PRKCE: variants seen among roughly 807,000 people sequenced by gnomAD.
The protein encoded by PRKCE is protein kinase C epsilon.
A neutral mutation model predicts 85.4 loss-of-function variants in PRKCE; 16 were observed. That is an observed-to-expected ratio of 0.19 (90% CI 0.13 to 0.28). The LOEUF (loss-of-function observed/expected upper bound fraction) is 0.28, where lower values mean the gene tolerates loss of function less well. Ranked by LOEUF, PRKCE falls within the 10% of genes least tolerant of loss-of-function variation. The probability of loss-of-function intolerance (pLI) is 1.00; values close to 1 mark genes in which losing one functional copy is unlikely to be tolerated. For synonymous variants in PRKCE, 388 were observed against 371.5 expected, an observed-to-expected ratio of 1.04 and a Z score of -0.51; for missense variants, 573 against 975.2, an observed-to-expected ratio of 0.59 and a Z score of 5.49.
intron 1 of PRKCE, among the ~76,000 whole-genome samples, chr2:45,683,770 G>C (rs1572933073): frequency 6.6e-6 from 1 of 152,330 alleles, no homozygotes; most frequent in East Asian, 1.9e-4. Context: ...AGGCAGTCTT[G>C]TGTGCTCCGT....
chr2:46,139,562 G>C lies in PRKCE; in HGVS notation c.1593-5531G>C, dbSNP rs977120311. Among the ~76,000 whole-genome samples the C allele has an allele frequency of 4.6e-5, 7 of 152,052 alleles. No individual in the cohort carries two copies. The highest frequency in any genetic ancestry group is 4.6e-4 in the Admixed American group (7 of 15,268). On this transcript the variant is annotated intron_variant, in intron 11 of 14. Transcript: ENST00000306156. This position sits in a 1 kb window ranked among gnomAD's most constrained non-coding sequence, Gnocchi z 5.2. ...AAGTTATCTGAAGGCTGATGGTCCA[G>C]TTACCATTCCTAGGACTTAGTCCTT...
Position 45,966,909 on chromosome 2 carries a change from G to T in PRKCE, c.413-9520G>T, listed in dbSNP as rs566508741. Among the ~76,000 whole-genome samples, 8 of 152,228 alleles carry T rather than the reference G, an allele frequency of 5.3e-5. No individual in the cohort carries two copies. In the South Asian group the frequency reaches 8.3e-4, roughly 16 times the overall value. On this transcript the variant is annotated intron_variant, in intron 2 of 14. Transcript: ENST00000306156. The stretch of plus-strand genomic sequence containing the variant: ...CGCTCTTCCTCAGTGAGGCATTGTT[G>T]GCTCCAGGGAGATAGAGAGATGCAG...
Position 46,185,038 on chromosome 2 carries a change from C to A in PRKCE, c.*157C>A. On this transcript the variant is annotated 3_prime_UTR_variant, in exon 15 of 15. Coordinates refer to ENST00000306156, the MANE Select transcript of PRKCE (RefSeq NM_005400.3). The surrounding 1 kb of genome is among the most constrained non-coding windows in gnomAD (Gnocchi z 4.7). ...TATTGCATTCCCTTGCCCCAGGCCA[C>A]CTCCTCCCCCTCCCACCTGGTGACC... The A allele has an allele frequency of 1.0e-6, 1 of 966,142 alleles. No homozygotes were observed. The highest frequency in any genetic ancestry group is 1.5e-6 in the Non-Finnish European group (1 of 666,188). The allele number at this position is 966,142 out of a possible 1,614,324, so 59.8% of individuals were successfully genotyped here. A position where few individuals can be genotyped will look rare whatever the true frequency, so the allele number is the denominator to read the frequency against.
chr2:46,109,942 CATTA>C (rs1302606841), intron 11 of PRKCE, among the ~76,000 whole-genome samples: 1 of 152,084 alleles, frequency 6.6e-6, no homozygotes, highest in Non-Finnish European at 1.5e-5. Context: ...GCTTCATCTG[CATTA>C]ATTGATATGA....
At chr2:45,738,935 T>G (rs954379058) in intron 1 of PRKCE, among the ~76,000 whole-genome samples, 2 of 152,252 alleles carry the variant, frequency 1.3e-5, no homozygotes, top group African/African-American at 4.8e-5. Context: ...TGCATTATTT[T>G]TATTAAGCAA....
intron 2 of PRKCE, among the ~76,000 whole-genome samples, chr2:45,965,048 A>C (rs1701641642): frequency 6.6e-6 from 1 of 152,216 alleles, no homozygotes; most frequent in Non-Finnish European, 1.5e-5. Context: ...TGATTAGATT[A>C]CATGCAGAAT....
intron 1 of PRKCE, among the ~76,000 whole-genome samples, chr2:45,769,562 A>T (rs568309179): frequency 6.6e-6 from 1 of 152,162 alleles, no homozygotes; most frequent in Non-Finnish European, 1.5e-5. Flanking sequence ...ACCATTTTTC[A>T]TCCAGAGACT....
At chr2:46,127,222 C>A (rs1425675588) in intron 11 of PRKCE, among the ~76,000 whole-genome samples, 1 of 152,178 alleles carries the variant, frequency 6.6e-6, no homozygotes, top group East Asian at 1.9e-4. Flanking sequence ...TTGATATTTT[C>A]TTCACGTCAC....
At chr2:45,753,591 T>C (rs1376725755) in intron 1 of PRKCE, among the ~76,000 whole-genome samples, 3 of 152,086 alleles carry the variant, frequency 2.0e-5, no homozygotes, top group Non-Finnish European at 2.9e-5. Context: ...GTTGTTTGAG[T>C]TGTTGGTTTG....
At chr2:45,684,144 T>C (rs992243759) in intron 1 of PRKCE, among the ~76,000 whole-genome samples, 5 of 152,192 alleles carry the variant, frequency 3.3e-5, no homozygotes, top group African/African-American at 9.7e-5. Flanking sequence ...AGAGAGGTGA[T>C]GGTGTCTCTC....
intron 10 of PRKCE, among the ~76,000 whole-genome samples, chr2:46,017,391 T>A (rs973460985): frequency 6.6e-6 from 1 of 152,238 alleles, no homozygotes; most frequent in Non-Finnish European, 1.5e-5. Flanking sequence ...CATAATTTCC[T>A]TCCTTTTAAA....
intron 11 of PRKCE, among the ~76,000 whole-genome samples, chr2:46,094,083 G>C (rs114778855): frequency 0.01 from 1,596 of 152,232 alleles, 32 homozygotes; most frequent in African/African-American, 0.036. Flanking sequence ...TTAGGTATAA[G>C]CAGTATTCTA....
chr2:45,724,018 C>T (rs73926037), intron 1 of PRKCE, among the ~76,000 whole-genome samples: 29 of 152,362 alleles, frequency 1.9e-4, no homozygotes, highest in African/African-American at 7.0e-4. Flanking sequence ...AGAACCTCCA[C>T]TTTTCACTTC....
chr2:46,026,031 G>A (rs1472948451), intron 10 of PRKCE, among the ~76,000 whole-genome samples: 11 of 152,186 alleles, frequency 7.2e-5, no homozygotes, highest in Admixed American at 2.6e-4. Flanking sequence ...CAATAGATAT[G>A]ATTCTTGTGC....
At chr2:45,852,671 C>T (rs1692370461) in intron 2 of PRKCE, among the ~76,000 whole-genome samples, 1 of 152,106 alleles carries the variant, frequency 6.6e-6, no homozygotes, top group Non-Finnish European at 1.5e-5. Context: ...TGAGTCAAAA[C>T]CAAGAGAGGT....
intron 2 of PRKCE, among the ~76,000 whole-genome samples, chr2:45,868,186 C>G (rs1693762852): frequency 6.7e-6 from 1 of 148,904 alleles, no homozygotes; most frequent in African/African-American, 2.5e-5. Flanking sequence ...AACACCCATG[C>G]CTGGTCTGGT....
In PRKCE at chr2:45,958,816, ATTTTTTTTTTTTTTTTT is replaced by A. The variant is rs569651784; in HGVS notation, c.413-17590_413-17574del. 4.6e-3 allele frequency among the ~76,000 whole-genome samples: 83 copies of A among 18,140 alleles called. 2 individuals are homozygous for A. Among genetic ancestry groups the A allele is most frequent in the Middle Eastern group, 0.083 (1 of 12 alleles). The allele number at this position is 18,140 out of a possible 152,430, so 11.9% of individuals were successfully genotyped here. A position where few individuals can be genotyped will look rare whatever the true frequency, so the allele number is the denominator to read the frequency against. On this transcript the variant is annotated intron_variant, in intron 2 of 14. Coordinates refer to ENST00000306156, the MANE Select transcript of PRKCE (RefSeq NM_005400.3). The stretch of plus-strand genomic sequence containing the variant: ...CATATATATATATATATATATATAT[ATTTTTTTTTTTTTTTTT>A]TTTTTTTTTTTTTTTTTTTTTTAAT...
At chr2:45,698,789 G>T (rs1390435049) in intron 1 of PRKCE, among the ~76,000 whole-genome samples, 1 of 152,198 alleles carries the variant, frequency 6.6e-6, no homozygotes, top group Admixed American at 6.5e-5. Flanking sequence ...GGACAGACTT[G>T]TGGAGGGAGT....
At chr2:45,742,806 A>G (rs985861730) in intron 1 of PRKCE, among the ~76,000 whole-genome samples, 2 of 152,238 alleles carry the variant, frequency 1.3e-5, no homozygotes, top group African/African-American at 4.8e-5. Flanking sequence ...CAAAGGAAAT[A>G]AAATCACTGT....
Sources: gnomAD v4.1 joint callset for allele counts (sites outside exome capture counted in the v4.1 genomes callset) on GRCh38, gnomAD v4.1.1 for gene constraint, Gnocchi (gnomAD v3.1) non-coding constraint, MANE v1.5 for transcripts, NCBI Gene and HGNC (gene_info 2026-07-23, HGNC 2026-07-21) for gene names.